WLS: variants seen among roughly 807,000 people sequenced by gnomAD.
WLS encodes the protein protein wntless homolog.
WLS carries 23 observed loss-of-function variants against 62.8 expected under a neutral mutation model. That is an observed-to-expected ratio of 0.37 (90% confidence interval 0.26 to 0.52). The LOEUF (loss-of-function observed/expected upper bound fraction) is 0.52. Ranked by LOEUF, WLS falls within the 20% of genes least tolerant of loss-of-function variation. The pLI, the probability that WLS is intolerant of heterozygous loss-of-function variation, is 0.92. For missense variants in WLS, 615 were observed against 697.3 expected, an observed-to-expected ratio of 0.88 and a Z score of 1.33; for synonymous variants, 246 against 244.1, an observed-to-expected ratio of 1.01 and a Z score of -0.07.
In WLS at chr1:68,126,023, A is replaced by T. The variant is rs1160229631; in HGVS notation, c.*203T>A. On this transcript the variant is annotated 3_prime_UTR_variant, in exon 12 of 12. Coordinates refer to ENST00000262348, the MANE Select transcript of WLS (RefSeq NM_024911.7). ...ACCAGAGTTTTTGTTATCATACACA[A>T]TGCATTAGTGGCTGCAGGAATCTTC... 1 of 1,419,024 alleles carries T rather than the reference A, an allele frequency of 7.0e-7. No individual in the cohort carries two copies. The highest frequency in any genetic ancestry group is 9.2e-7 in the Non-Finnish European group (1 of 1,083,582). 87.9% of individuals were successfully genotyped at this position (1,419,024 alleles called of 1,614,324 possible). A position where few individuals can be genotyped will look rare whatever the true frequency, so the allele number is the denominator to read the frequency against.
intron 2 of WLS, among the ~76,000 whole-genome samples, chr1:68,175,886 A>T (rs1208716179): frequency 6.6e-6 from 1 of 152,274 alleles, no homozygotes; most frequent in Non-Finnish European, 1.5e-5. Flanking sequence ...TTGTGCTGCC[A>T]GCAGAAAGAA....
chr1:68,231,676 G>C (rs1650427113), intron 1 of WLS: 1 of 455,182 alleles, frequency 2.2e-6, no homozygotes, highest in African/African-American at 2.0e-5. Flanking sequence ...TCAGCCCCTA[G>C]CAAAGACGAC....
rs1336760876 is a variant in WLS at position 68,146,126 on chromosome 1, A to C, written c.1135-114T>G. ...CTTGTTTTGTCTCCAAATATGTAGAAAATTTTCAAGGGGATAAAATATTAA... is the reference window on the plus strand; with the variant it reads ...CTTGTTTTGTCTCCAAATATGTAGACAATTTTCAAGGGGATAAAATATTAA... On this transcript the variant is annotated intron_variant, in intron 8 of 11. Transcript: ENST00000262348. 9.6e-6 allele frequency: 12 copies of C among 1,249,912 alleles called. No homozygotes were observed. In the Admixed American group the frequency reaches 1.3e-4, roughly 14 times the overall value. 77.4% of individuals were successfully genotyped at this position (1,249,912 alleles called of 1,614,324 possible).
chr1:68,228,285 T>C lies in WLS; in HGVS notation c.106+3909A>G, dbSNP rs564027763. The C allele has an allele frequency of 9.5e-5, 42 of 442,094 alleles. No homozygotes were observed. The Admixed American group carries it at 9.8e-4, about 10-fold the overall frequency. The allele number at this position is 442,094 out of a possible 1,614,324, so 27.4% of individuals were successfully genotyped here. A position where few individuals can be genotyped will look rare whatever the true frequency, so the allele number is the denominator to read the frequency against. On this transcript the variant is annotated intron_variant, in intron 1 of 11. Coordinates refer to ENST00000262348, the MANE Select transcript of WLS (RefSeq NM_024911.7). ...AAACAATGCAACAATTTTCTATTAA[T>C]CCAGTTCTGATCTTCATACTCTTAG...
intron 11 of WLS, among the ~76,000 whole-genome samples, chr1:68,115,526 G>C (rs1646280170): frequency 6.6e-6 from 1 of 152,316 alleles, no homozygotes; most frequent in East Asian, 1.9e-4. Flanking sequence ...GTGTGACACA[G>C]GGCAAGTCAC....
chr1:68,163,356 T>G lies in WLS; in HGVS notation c.380-4109A>C, dbSNP rs537583018. Among the ~76,000 whole-genome samples, 3 of 152,210 alleles carry G rather than the reference T, an allele frequency of 2.0e-5. No homozygotes were observed. In the East Asian group the frequency reaches 5.8e-4, roughly 30 times the overall value. ...AGCGTCCACGGCAAAAGGCGCCCAC[T>G]CTGGAGGCCGCGGTGGCGGTGGCTC... On this transcript the variant is annotated intron_variant, in intron 2 of 11. Transcript: ENST00000262348.
intron 11 of WLS, among the ~76,000 whole-genome samples, chr1:68,107,816 C>T (rs555419553): frequency 4.6e-5 from 7 of 152,244 alleles, no homozygotes; most frequent in African/African-American, 1.7e-4. Flanking sequence ...ATCATGGGCA[C>T]AACGGTAGAA....
chr1:68,200,580 T>G (rs1463002873), intron 1 of WLS, among the ~76,000 whole-genome samples: 2 of 151,870 alleles, frequency 1.3e-5, no homozygotes, highest in Non-Finnish European at 2.9e-5. Flanking sequence ...TTTTTTTTTT[T>G]TTCCAGCTAT....
Position 68,202,818 on chromosome 1 carries a change from A to G in WLS, c.107-8591T>C, listed in dbSNP as rs906772065. ...GGGCGCACCAGTTCTTGTGTGGGAAATCTCTCAGAGCCCCCATGGAGGCCC... is the reference window on the plus strand; with the variant it reads ...GGGCGCACCAGTTCTTGTGTGGGAAGTCTCTCAGAGCCCCCATGGAGGCCC... On this transcript the variant is annotated intron_variant, in intron 1 of 11. Transcript: ENST00000262348. The G allele has an allele frequency of 2.6e-5, 4 of 152,222 alleles. No individual in the cohort carries two copies. The East Asian group carries it at 7.7e-4, about 29-fold the overall frequency. 9.4% of individuals were successfully genotyped at this position (152,222 alleles called of 1,614,324 possible).
intron 2 of WLS, among the ~76,000 whole-genome samples, chr1:68,160,240 C>T (rs111406555): frequency 8.5e-5 from 13 of 152,210 alleles, no homozygotes; most frequent in African/African-American, 2.9e-4. Context: ...ACTTCCCTCC[C>T]TTGAACCAGG....
intron 2 of WLS, among the ~76,000 whole-genome samples, chr1:68,190,823 C>T (rs570325614): frequency 2.0e-5 from 3 of 152,224 alleles, no homozygotes; most frequent in South Asian, 2.1e-4. Context: ...TTTGGGAGGC[C>T]GAAGTGAGTG....
intron 6 of WLS, 30 bp from the exon 7 acceptor site, chr1:68,148,690 A>G: frequency 6.2e-7 from 1 of 1,605,596 alleles, no homozygotes; most frequent in Non-Finnish European, 8.5e-7. Context: ...GAAGGGAGAT[A>G]GAGGGGAGAG....
At chr1:68,193,184 CT>C (rs1648435712) in intron 2 of WLS, among the ~76,000 whole-genome samples, 1 of 151,358 alleles carries the variant, frequency 6.6e-6, no homozygotes, top group Non-Finnish European at 1.5e-5. Flanking sequence ...ACAGAGCTGC[CT>C]TTAACACATC....
intron 2 of WLS, among the ~76,000 whole-genome samples, chr1:68,168,889 A>T (rs1647102944): frequency 6.6e-6 from 1 of 152,204 alleles, no homozygotes; most frequent in East Asian, 1.9e-4. Context: ...AAATAACAAA[A>T]CCAACCCTGT....
intron 3 of WLS, 82 bp from the exon 4 acceptor site, chr1:68,155,342 C>G: frequency 4.7e-6 from 7 of 1,493,082 alleles, no homozygotes; most frequent in Middle Eastern, 2.0e-4. Flanking sequence ...GGATCCATAA[C>G]ATCAATTGTA....
intron 4 of WLS, among the ~76,000 whole-genome samples, chr1:68,154,318 T>C (rs1328541943): frequency 6.6e-6 from 1 of 152,072 alleles, no homozygotes; most frequent in Non-Finnish European, 1.5e-5. Flanking sequence ...ACATGATCAA[T>C]TTTTTTTGTA....
intron 1 of WLS, among the ~76,000 whole-genome samples, chr1:68,225,283 A>C (rs1228923236): frequency 6.6e-6 from 1 of 152,156 alleles, no homozygotes; most frequent in Non-Finnish European, 1.5e-5. Flanking sequence ...TTTTAGATTC[A>C]TCATTTTATG....
At chr1:68,121,506 C>A (rs1646363208), downstream of WLS, among the ~76,000 whole-genome samples, 1 of 152,164 alleles carries the variant, frequency 6.6e-6, no homozygotes, top group Non-Finnish European at 1.5e-5. Flanking sequence ...CCGATGTCAG[C>A]AGAAAAGGGG....
At chr1:68,175,560 A>G (rs1341810111) in intron 2 of WLS, among the ~76,000 whole-genome samples, 1 of 152,232 alleles carries the variant, frequency 6.6e-6, no homozygotes, top group African/African-American at 2.4e-5. Context: ...GATCCTTTCT[A>G]GTTCTAATAT....
Sources: allele counts gnomAD v4.1 joint callset (sites outside exome capture counted in the v4.1 genomes callset), GRCh38; gene constraint gnomAD v4.1.1; transcripts MANE v1.5; gene names NCBI Gene and HGNC (gene_info 2026-07-23, HGNC 2026-07-21).